TTC14: variants seen among roughly 807,000 people sequenced by gnomAD.
The protein encoded by TTC14 is tetratricopeptide repeat protein 14.
TTC14 carries 63 observed loss-of-function variants against 79.9 expected under a neutral mutation model. The ratio of observed to expected loss-of-function variants is 0.79; its 90% confidence interval spans 0.64 to 0.97. The LOEUF is 0.97. TTC14 is among the 50% of genes least tolerant of loss of function. The pLI, the probability that TTC14 is intolerant of heterozygous loss-of-function variation, is 0.00. For missense variants in TTC14, 895 were observed against 894.0 expected, an observed-to-expected ratio of 1.00 and a Z score of -0.01; for synonymous variants, 335 against 309.6, an observed-to-expected ratio of 1.08 and a Z score of -0.86.
chr3:180,610,198 C>T lies in TTC14; in HGVS notation c.1969C>T (p.His657Tyr), dbSNP rs928741572. 1 of 1,613,610 alleles carries T rather than the reference C, an allele frequency of 6.2e-7. No individual in the cohort carries two copies. Among genetic ancestry groups the T allele is most frequent in the African/African-American group, 1.3e-5 (1 of 74,860 alleles). ...AAAGGATATAGAGGGAAGAAAAGAG[C>T]ACTATAGAAGGTGGGAACCAGGTTC... ...FEKDIEGRKE[H>Y]YRRWEPGSVR... Residue 657 changes from histidine to tyrosine, a missense_variant, in exon 12 of 12, where the codon CAC (histidine) becomes TAC (tyrosine). Coordinates refer to ENST00000296015, the MANE Select transcript of TTC14 (RefSeq NM_133462.4).
At chr3:180,603,721 A>G in intron 3 of TTC14, 1 of 244,618 alleles carries the variant, frequency 4.1e-6, no homozygotes, top group South Asian at 4.9e-5. Flanking sequence ...ATTTACAATA[A>G]TTAAATGTAA....
downstream of TTC14, chr3:180,614,092 T>C (rs1717124572): frequency 4.8e-6 from 1 of 209,580 alleles, no homozygotes; most frequent in South Asian, 6.6e-5. Context: ...GCACATGTTA[T>C]AATGAAGTGT....
At chr3:180,604,171 C>T in intron 3 of TTC14, 54 bp from the exon 4 acceptor site, 1 of 1,457,062 alleles carries the variant, frequency 6.9e-7, no homozygotes, top group Non-Finnish European at 9.6e-7. Flanking sequence ...AAAGAAGACA[C>T]TGTTCTTATC....
chr3:180,608,415 T>G, intron 10 of TTC14: 1 of 1,005,474 alleles, frequency 9.9e-7, no homozygotes, highest in Non-Finnish European at 1.2e-6. Flanking sequence ...TTTTTAACCT[T>G]TCTTGCACTC....
At chr3:180,609,486 T>A in intron 11 of TTC14, 144 bp from the exon 12 acceptor site, 1 of 1,333,210 alleles carries the variant, frequency 7.5e-7, no homozygotes, top group East Asian at 2.8e-5. Context: ...TAAAATTAGA[T>A]CTTGTAGTAG....
chr3:180,607,681 AAGTTACT>A lies in TTC14; in HGVS notation c.1208_1214del (p.Ser403IlefsTer31). The A allele has an allele frequency of 6.2e-7, 1 of 1,606,980 alleles. No individual in the cohort carries two copies. Among genetic ancestry groups the A allele is most frequent in the Non-Finnish European group, 8.5e-7 (1 of 1,177,844 alleles). On this transcript the variant is annotated frameshift_variant, in exon 10 of 12. Coordinates refer to ENST00000296015, the MANE Select transcript of TTC14 (RefSeq NM_133462.4). LOFTEE classifies it high-confidence loss of function. Reference sequence around the variant, plus strand: ...AAGAAGAAAAGTTTTTAAATGCTGAAAGTTACTATAAGAAAGCTTTGGCTTTGGATGA... The same window carrying A: ...AAGAAGAAAAGTTTTTAAATGCTGAAATAAGAAAGCTTTGGCTTTGGATGA...
downstream of TTC14, among the ~76,000 whole-genome samples, chr3:180,618,303 G>GA (rs974425944): frequency 2.0e-5 from 3 of 151,678 alleles, no homozygotes; most frequent in Non-Finnish European, 4.4e-5. Flanking sequence ...TGTTATTTTG[G>GA]AAAAAATAAA....
chr3:180,609,036 T>C (rs1716846379), intron 11 of TTC14: 1 of 1,017,150 alleles, frequency 9.8e-7, no homozygotes, highest in African/African-American at 1.7e-5. Context: ...AGAATTAAAA[T>C]ATAGAATAAG....
In TTC14 at chr3:180,605,992, CA is replaced by C. The variant is rs1472380290; in HGVS notation, c.929+156del. The C allele has an allele frequency of 4.6e-6, 4 of 863,428 alleles. No homozygotes were observed. The Admixed American group carries it at 1.2e-4, about 26-fold the overall frequency. The allele number at this position is 863,428 out of a possible 1,614,324, so 53.5% of individuals were successfully genotyped here. A position where few individuals can be genotyped will look rare whatever the true frequency, so the allele number is the denominator to read the frequency against. ...TCTTTTATAGATGTAAGTAGTCTTA[CA>C]TTTTACACTTAACAGATAAGTTTTA... On this transcript the variant is annotated intron_variant, in intron 7 of 11. Coordinates refer to ENST00000296015, the MANE Select transcript of TTC14 (RefSeq NM_133462.4).
intron 3 of TTC14, 50 bp downstream of exon 3, chr3:180,603,373 CAAT>C (rs1282867415): frequency 6.8e-7 from 1 of 1,459,916 alleles, no homozygotes; most frequent in Non-Finnish European, 9.6e-7. Flanking sequence ...TAACGCATCT[CAAT>C]GCAAGAACTA....
At position 180,602,209 on chromosome 3, in the gene TTC14, A is replaced by C. The variant is rs1176162663; in HGVS notation, c.-53A>C. The C allele has an allele frequency of 1.9e-6, 3 of 1,594,590 alleles. No individual in the cohort carries two copies. The East Asian group carries it at 6.7e-5, about 36-fold the overall frequency. ...GTACCACCCGGCTCAAGTAGCGGAC[A>C]CGGAACAGGGAACTATCAGCCCGTC... On this transcript the variant is annotated 5_prime_UTR_variant, in exon 1 of 12. Transcript: ENST00000296015.
chr3:180,613,486 T>A, downstream of TTC14, among the ~76,000 whole-genome samples: 1 of 152,192 alleles, frequency 6.6e-6, no homozygotes, highest in East Asian at 1.9e-4. Flanking sequence ...ACTCAGTAAG[T>A]AGAAGTTATA....
chr3:180,617,502 G>C, exon 13 of TTC14: 1 of 672,750 alleles, frequency 1.5e-6, no homozygotes. Context: ...TGACCCTGAA[G>C]ACCTTCAAGT....
In TTC14 at chr3:180,610,700, T is replaced by C; in HGVS notation, c.*158T>C. The C allele has an allele frequency of 7.3e-7, 1 of 1,377,274 alleles. No individual in the cohort carries two copies. Among genetic ancestry groups the C allele is most frequent in the Non-Finnish European group, 9.4e-7 (1 of 1,069,266 alleles). The allele number at this position is 1,377,274 out of a possible 1,614,324, so 85.3% of individuals were successfully genotyped here. A position where few individuals can be genotyped will look rare whatever the true frequency, so the allele number is the denominator to read the frequency against. Reference sequence around the variant, plus strand: ...TTAAGTAAGTTTTTCTCAAATTTTGTTTCAGTTCTAGGTCCCTTGTCACAG... The same window carrying C: ...TTAAGTAAGTTTTTCTCAAATTTTGCTTCAGTTCTAGGTCCCTTGTCACAG... On this transcript the variant is annotated 3_prime_UTR_variant, in exon 12 of 12. Transcript: ENST00000296015.
At chr3:180,608,673 GT>G (rs1553799324) in intron 10 of TTC14, 27 bp from the exon 11 acceptor site, 4 of 1,479,586 alleles carry the variant, frequency 2.7e-6, no homozygotes, top group Admixed American at 3.0e-5. Context: ...TTAACGTGTG[GT>G]TTTTTTCGAT....
Position 180,610,099 on chromosome 3 carries a change from T to A in TTC14, c.1870T>A (p.Ser624Thr). 2.5e-6 allele frequency: 4 copies of A among 1,613,330 alleles called. No individual in the cohort carries two copies. The highest frequency in any genetic ancestry group is 3.4e-6 in the Non-Finnish European group (4 of 1,179,820). ...EKPYKSERHF[S>T]SRRNSSDSFC... is the part of the protein sequence containing the mutation. ...GCCATATAAATCAGAAAGACATTTT[T>A]CCAGTAGAAGAAATTCCTCAGATTC... Residue 624 changes from serine to threonine, a missense_variant, in exon 12 of 12, where the codon TCC becomes ACC. Physicochemically the swap from Ser to Thr is moderately conservative, Grantham distance 58. Transcript: ENST00000296015.
intron 10 of TTC14, chr3:180,608,394 CTTTTT>C: frequency 2.1e-6 from 2 of 933,440 alleles, no homozygotes; most frequent in Non-Finnish European, 2.5e-6. Context: ...TTTTTATGTA[CTTTTT>C]TTTTTTTTTT....
exon 13 of TTC14, chr3:180,617,808 T>A (rs1717303832): frequency 4.2e-6 from 1 of 239,484 alleles, no homozygotes; most frequent in Non-Finnish European, 7.9e-6. Flanking sequence ...AGAAATAAAA[T>A]TATTTTTATG....
rs1576916374 is a variant in TTC14 at position 180,602,849 on chromosome 3, T to A, written c.162-42T>A. ...CAGAAGGTTAGAAGTAAAGAGGCTT[T>A]GCAGATAACCCAATTTTCATATATA... On this transcript the variant is annotated intron_variant, in intron 1 of 11. Transcript: ENST00000296015. 4 of 1,581,984 alleles carry A rather than the reference T, an allele frequency of 2.5e-6. No homozygotes were observed. In the East Asian group the frequency reaches 9.0e-5, roughly 36 times the overall value.
Sources: gnomAD v4.1 joint callset for allele counts (sites outside exome capture counted in the v4.1 genomes callset) on GRCh38, gnomAD v4.1.1 for gene constraint, MANE v1.5 for transcripts, NCBI Gene and HGNC (gene_info 2026-07-23, HGNC 2026-07-21) for gene names.